PXDNL: variants seen among roughly 807,000 people sequenced by gnomAD.
PXDNL encodes the protein probable oxidoreductase PXDNL.
In PXDNL, 145 loss-of-function variants were observed where a neutral mutation model predicts 150.8. The observed-to-expected ratio is 0.96, with a 90% CI of 0.84 to 1.10. PXDNL has a LOEUF of 1.10. PXDNL is among the 50% of genes least tolerant of loss of function. PXDNL has a pLI of 0.00. For synonymous variants in PXDNL, 757 were observed against 725.7 expected, an observed-to-expected ratio of 1.04 and a Z score of -0.69; for missense variants, 2,087 against 1,873.9, an observed-to-expected ratio of 1.11 and a Z score of -2.10.
intron 5 of PXDNL, among the ~76,000 whole-genome samples, chr8:51,495,510 C>T (rs1258622405): frequency 6.6e-6 from 1 of 151,850 alleles, no homozygotes; most frequent in Non-Finnish European, 1.5e-5. Context: ...TTGAAAAGAT[C>T]AACAAAATTG....
At chr8:51,567,412 G>A (rs1054812427) in intron 3 of PXDNL, among the ~76,000 whole-genome samples, 1 of 151,664 alleles carries the variant, frequency 6.6e-6, no homozygotes, top group African/African-American at 2.4e-5. Flanking sequence ...ATTTCTTCTT[G>A]CAGCTCTAAC....
chr8:51,482,510 C>T (rs1457950003), intron 6 of PXDNL, among the ~76,000 whole-genome samples: 2 of 152,108 alleles, frequency 1.3e-5, no homozygotes. Context: ...GATTTGTTTT[C>T]AAATGTGAGG....
chr8:51,504,645 A>G (rs1811249396), intron 4 of PXDNL, among the ~76,000 whole-genome samples: 1 of 152,250 alleles, frequency 6.6e-6, no homozygotes, highest in Non-Finnish European at 1.5e-5. Context: ...TGTCTGCCCT[A>G]ACGAAACTCT....
chr8:51,766,708 T>C (rs1435116262), intron 1 of PXDNL, among the ~76,000 whole-genome samples: 1 of 152,030 alleles, frequency 6.6e-6, no homozygotes, highest in South Asian at 2.1e-4. Context: ...ATTAGTTTTA[T>C]TGAGGATTAC....
At chr8:51,607,612 G>A (rs1164358819) in intron 2 of PXDNL, among the ~76,000 whole-genome samples, 2 of 150,220 alleles carry the variant, frequency 1.3e-5, no homozygotes, top group South Asian at 4.2e-4. Context: ...AGGCCGAGGT[G>A]GGTGGATCAC....
intron 4 of PXDNL, among the ~76,000 whole-genome samples, chr8:51,509,470 C>T (rs536500682): frequency 2.0e-5 from 3 of 152,168 alleles, no homozygotes; most frequent in Middle Eastern, 3.4e-3. Context: ...TCTCTCTGCT[C>T]CAGCCACATC....
In PXDNL at chr8:51,407,673, C is replaced by T. The variant is rs1302905533; in HGVS notation, c.3557+394G>A. Among the ~76,000 whole-genome samples, 22 of 152,168 alleles carry T rather than the reference C, an allele frequency of 1.4e-4. 1 individual carries two copies. The highest frequency in any genetic ancestry group is 1.4e-3 in the Admixed American group (22 of 15,274). On this transcript the variant is annotated intron_variant, in intron 17 of 22. Transcript: ENST00000356297. ...AAATAATTTGTTTTTATTATCACTA[C>T]TTTTCTCTCCCTAAGAAGGCCTATG...
At chr8:51,792,166 G>T (rs114593982) in intron 1 of PXDNL, among the ~76,000 whole-genome samples, 1 of 149,988 alleles carries the variant, frequency 6.7e-6, no homozygotes, top group Non-Finnish European at 1.5e-5. Flanking sequence ...AAACAGCTGC[G>T]GTCAGAGGCG....
At chr8:51,790,650 C>T (rs1482351720) in intron 1 of PXDNL, among the ~76,000 whole-genome samples, 1 of 151,988 alleles carries the variant, frequency 6.6e-6, no homozygotes, top group Non-Finnish European at 1.5e-5. Context: ...CTCTCTGCGA[C>T]ACTGTCCTCC....
intron 3 of PXDNL, among the ~76,000 whole-genome samples, chr8:51,567,708 A>T (rs74592584): frequency 0.028 from 4,254 of 151,782 alleles, 191 homozygotes; most frequent in African/African-American, 0.096. Flanking sequence ...GAGTATAGTC[A>T]TCCTTCAGTA....
Position 51,726,284 on chromosome 8 carries a change from G to A in PXDNL, c.165-71524C>T, listed in dbSNP as rs531911292. Among the ~76,000 whole-genome samples the A allele has an allele frequency of 3.3e-5, 5 of 152,282 alleles. No individual in the cohort carries two copies. The South Asian group carries it at 1.0e-3, about 32-fold the overall frequency. The stretch of plus-strand genomic sequence containing the variant: ...AGCGAAGAGCTCTCAGCACCCATGG[G>A]CCCAAAGTCCCTTAACTAGTGGATG... On this transcript the variant is annotated intron_variant, in intron 1 of 22. Transcript: ENST00000356297.
chr8:51,539,955 C>T (rs1277978780), intron 4 of PXDNL, among the ~76,000 whole-genome samples: 3 of 148,864 alleles, frequency 2.0e-5, no homozygotes, highest in Non-Finnish European at 4.4e-5. Flanking sequence ...TTTTTTTAGA[C>T]AGAGTCTCAC....
At chr8:51,786,036 G>A (rs1381446544) in intron 1 of PXDNL, among the ~76,000 whole-genome samples, 1 of 152,092 alleles carries the variant, frequency 6.6e-6, no homozygotes, top group Non-Finnish European at 1.5e-5. Flanking sequence ...CAGAATAGAA[G>A]ACTCCACCAA....
intron 1 of PXDNL, among the ~76,000 whole-genome samples, chr8:51,676,912 G>A (rs2130839182): frequency 6.6e-6 from 1 of 152,288 alleles, no homozygotes; most frequent in Admixed American, 6.5e-5. Context: ...AAACACCTCA[G>A]GGCTAAGAGT....
At chr8:51,593,564 T>C (rs1813495263) in intron 2 of PXDNL, among the ~76,000 whole-genome samples, 1 of 152,036 alleles carries the variant, frequency 6.6e-6, no homozygotes, top group African/African-American at 2.4e-5. Flanking sequence ...TTTTGTGGGG[T>C]TTTTGTATGA....
intron 2 of PXDNL, among the ~76,000 whole-genome samples, chr8:51,619,548 G>A (rs544198126): frequency 2.1e-4 from 32 of 152,058 alleles, no homozygotes; most frequent in Non-Finnish European, 4.1e-4. Flanking sequence ...TTTCCCCTTC[G>A]GTGCTCCTCT....
At chr8:51,501,003 A>G (rs1811165539) in intron 4 of PXDNL, among the ~76,000 whole-genome samples, 2 of 152,190 alleles carry the variant, frequency 1.3e-5, no homozygotes, top group South Asian at 4.1e-4. Context: ...CCTAATGAAA[A>G]AGTATAATAA....
intron 1 of PXDNL, among the ~76,000 whole-genome samples, chr8:51,671,995 T>G: frequency 6.6e-6 from 1 of 152,208 alleles, no homozygotes; most frequent in East Asian, 1.9e-4. Context: ...CATTCTTATT[T>G]TTTTGAGACA....
chr8:51,625,646 C>T (rs1814347451), intron 2 of PXDNL, among the ~76,000 whole-genome samples: 1 of 152,098 alleles, frequency 6.6e-6, no homozygotes, highest in Admixed American at 6.5e-5. Context: ...AACATGATAG[C>T]ACATGACTGG....
Sources: allele counts gnomAD v4.1 joint callset (sites outside exome capture counted in the v4.1 genomes callset), GRCh38; gene constraint gnomAD v4.1.1; transcripts MANE v1.5; gene names NCBI Gene and HGNC (gene_info 2026-07-23, HGNC 2026-07-21).